FRMD8: variants seen among roughly 807,000 people sequenced by gnomAD.
The protein encoded by FRMD8 is FERM domain containing 8, also known as FERM domain-containing protein 8.
In FRMD8, 37 loss-of-function variants were observed where a neutral mutation model predicts 54.2. The observed-to-expected ratio is 0.68, with a 90% CI of 0.53 to 0.90. The LOEUF (loss-of-function observed/expected upper bound fraction) is 0.90. Ranked by LOEUF, FRMD8 falls within the 40% of genes least tolerant of loss-of-function variation. The pLI is 0.00. For missense variants in FRMD8, 585 were observed against 653.7 expected (o/e 0.89, Z 1.15); for synonymous variants, 246 against 286.9 (o/e 0.86, Z 1.44).
chr11:65,380,421 C>T, the FRMD8 span: 5 of 980,236 alleles, frequency 5.1e-6, no homozygotes, highest in Non-Finnish European at 7.4e-6. Flanking sequence ...TGAGGATGCA[C>T]ACCCAAGAGG....
rs986059529 is a variant in FRMD8, at chr11:65,411,731, T to TA, written c.*372dup. 19 of 172,342 alleles carry TA rather than the reference T, an allele frequency of 1.1e-4. No individual in the cohort carries two copies. The highest frequency in any genetic ancestry group is 2.0e-4 in the Non-Finnish European group (16 of 81,332). 10.7% of individuals were successfully genotyped at this position (172,342 alleles called of 1,614,324 possible). A position where few individuals can be genotyped will look rare whatever the true frequency, so the allele number is the denominator to read the frequency against. On this transcript the variant is annotated 3_prime_UTR_variant, in exon 11 of 11. Transcript: ENST00000317568. ...AAGTGCCCAGTGGCAGCTCCAGTGG[T>TA]AGAGGACCAAGGATTGAGGTTTGGG...
At chr11:65,380,161 C>T in the FRMD8 span, 8 of 1,614,188 alleles carry the variant, frequency 5.0e-6, no homozygotes, top group South Asian at 8.8e-5. Context: ...TGTCCCAGGA[C>T]CAAGCCCAGA....
At position 65,404,396 on chromosome 11, in the gene FRMD8, G is replaced by T. The variant is rs1856144845; in HGVS notation, c.1072-468G>T. ...GTGTGCCTCATGCTTCACACCTGTT[G>T]AGTAGGAGTCACTTTTGAAGAACGT... On this transcript the variant is annotated intron_variant, in intron 9 of 10. Transcript: ENST00000317568. The surrounding 1 kb of genome is among the most constrained non-coding windows in gnomAD (Gnocchi z 4.7). Among the ~76,000 whole-genome samples, 1 of 152,088 alleles carries T rather than the reference G, an allele frequency of 6.6e-6. No individual in the cohort carries two copies. Among genetic ancestry groups the T allele is most frequent in the South Asian group, 2.1e-4 (1 of 4,826 alleles).
rs936963040 is a variant in FRMD8, at chr11:65,400,481, C to G, written c.928-243C>G. Among the ~76,000 whole-genome samples, 1 of 152,218 alleles carries G rather than the reference C, an allele frequency of 6.6e-6. No homozygotes were observed. The highest frequency in any genetic ancestry group is 2.4e-5 in the African/African-American group (1 of 41,452). ...CTGCCTCCTCCCCCACGTGCCTCCC[C>G]CGCTGTCAGGGGCTTGGCCTGCTGG... is the stretch of plus-strand genomic sequence containing the variant. On this transcript the variant is annotated intron_variant, in intron 8 of 10. Coordinates refer to ENST00000317568, the MANE Select transcript of FRMD8 (RefSeq NM_031904.5). The surrounding 1 kb of genome is among the most constrained non-coding windows in gnomAD (Gnocchi z 4.3).
intron 7 of FRMD8, 128 bp downstream of exon 7, chr11:65,397,148 C>T (rs987196928): frequency 9.4e-6 from 5 of 533,446 alleles, no homozygotes; most frequent in Admixed American, 8.2e-5. Context: ...TGTCTTGTCA[C>T]GAGCACCTCA....
rs1353478823 is a variant in FRMD8, at chr11:65,386,652, G to C, written c.-110G>C. The C allele has an allele frequency of 8.6e-6, 2 of 231,508 alleles. No individual in the cohort carries two copies. Among genetic ancestry groups the C allele is most frequent in the Non-Finnish European group, 1.7e-5 (2 of 118,978 alleles). 14.3% of individuals were successfully genotyped at this position (231,508 alleles called of 1,614,324 possible). A position where few individuals can be genotyped will look rare whatever the true frequency, so the allele number is the denominator to read the frequency against. Reference sequence around the variant, plus strand: ...TGGCTTCCGCGTCGCTTCCCGGTCAGCTGCGTCCTTAGCGGGAGCCCGAGT... The same window carrying C: ...TGGCTTCCGCGTCGCTTCCCGGTCACCTGCGTCCTTAGCGGGAGCCCGAGT... On this transcript the variant is annotated 5_prime_UTR_variant, in exon 1 of 11. Transcript: ENST00000317568.
At chr11:65,380,006 CT>C in the FRMD8 span, 2 of 1,600,190 alleles carry the variant, frequency 1.2e-6, no homozygotes, top group African/African-American at 2.7e-5. Context: ...CCTCTGCCCC[CT>C]CAAGCGGGAT....
chr11:65,372,166 C>T, the FRMD8 span, among the ~76,000 whole-genome samples: 5 of 152,184 alleles, frequency 3.3e-5, no homozygotes, highest in East Asian at 7.7e-4. Flanking sequence ...CCCACCTTGG[C>T]ATCCCAAAGT....
intron 4 of FRMD8, 72 bp from the exon 5 acceptor site, chr11:65,393,969 C>T (rs949891086): frequency 6.5e-7 from 1 of 1,538,620 alleles, no homozygotes; most frequent in East Asian, 2.3e-5. Context: ...TGGCCAGGGC[C>T]TGGGCCAATC....
At chr11:65,386,813 G>C (rs1855741277) in intron 1 of FRMD8, 52 bp downstream of exon 1, 1 of 553,476 alleles carries the variant, frequency 1.8e-6, no homozygotes, top group East Asian at 3.1e-5. Flanking sequence ...CTGGGCGTGC[G>C]CCTTGCCCTG....
chr11:65,405,176 G>A lies in FRMD8; in HGVS notation c.1276+108G>A, dbSNP rs187699698. The A allele has an allele frequency of 5.0e-4, 551 of 1,097,030 alleles. 4 individuals are homozygous for A. In the East Asian group the frequency reaches 1.0e-2, roughly 20 times the overall value. 68.0% of individuals were successfully genotyped at this position (1,097,030 alleles called of 1,614,324 possible). On this transcript the variant is annotated intron_variant, in intron 10 of 10. Transcript: ENST00000317568. ...TGCAGAGCAGCTCCAGACCCAGTGT[G>A]AGCTGGCCTCCATCTCAGGACACAG...
chr11:65,374,479 A>G, the FRMD8 span, among the ~76,000 whole-genome samples: 1 of 152,200 alleles, frequency 6.6e-6, no homozygotes. Flanking sequence ...CTCTCTATCA[A>G]CTGTGATCAT....
rs1565608091 is a variant in FRMD8 at position 65,400,850 on chromosome 11, A to C, written c.1054A>C (p.Lys352Gln). The C allele has an allele frequency of 6.2e-7, 1 of 1,610,670 alleles. No individual in the cohort carries two copies. The highest frequency in any genetic ancestry group is 8.5e-7 in the Non-Finnish European group (1 of 1,178,474). Residue 352 changes from lysine to glutamine, a missense_variant, in exon 9 of 11, where the codon AAG becomes CAG. Coordinates refer to ENST00000317568, the MANE Select transcript of FRMD8 (RefSeq NM_031904.5). This position sits in a 1 kb window ranked among gnomAD's most constrained non-coding sequence, Gnocchi z 4.3. ...GGGCACACCTGTCAACAAGCTCCTC[A>C]AGATCTACTCCAAGCAGGTAGCGCG... ...SEGTPVNKLL[K>Q]IYSKQAELMS...
In FRMD8 at chr11:65,396,779, C is replaced by G. The variant is rs941486710; in HGVS notation, c.582-20C>G. On this transcript the variant is annotated intron_variant, in intron 6 of 10. Coordinates refer to ENST00000317568, the MANE Select transcript of FRMD8 (RefSeq NM_031904.5). ...GCACCTCTGGTTGGGCCGCTAGCAC[C>G]TGTCTTCCTTCCTCCACAGGGAGAA... 42 of 1,474,962 alleles carry G rather than the reference C, an allele frequency of 2.8e-5. No individual in the cohort carries two copies. The highest frequency in any genetic ancestry group is 3.4e-5 in the Non-Finnish European group (38 of 1,108,384). 91.4% of individuals were successfully genotyped at this position (1,474,962 alleles called of 1,614,324 possible). A position where few individuals can be genotyped will look rare whatever the true frequency, so the allele number is the denominator to read the frequency against.
chr11:65,376,989 G>T, the FRMD8 span: 15 of 1,613,584 alleles, frequency 9.3e-6, no homozygotes, highest in Non-Finnish European at 1.3e-5. Context: ...CCCTGGTACC[G>T]GGGTGGGGGG....
intron 9 of FRMD8, among the ~76,000 whole-genome samples, chr11:65,401,287 C>T (rs1456159907): frequency 1.3e-5 from 2 of 150,338 alleles, no homozygotes; most frequent in Non-Finnish European, 3.0e-5. Flanking sequence ...TACTCAGCAC[C>T]GAGCACCTCT....
rs1856338909 is a variant in FRMD8, at chr11:65,411,743, G to T, written c.*383G>T. 6.0e-6 allele frequency: 1 copy of T among 166,614 alleles called. No individual in the cohort carries two copies. Among genetic ancestry groups the T allele is most frequent in the Non-Finnish European group, 1.3e-5 (1 of 77,784 alleles). The allele number at this position is 166,614 out of a possible 1,614,324, so 10.3% of individuals were successfully genotyped here. A position where few individuals can be genotyped will look rare whatever the true frequency, so the allele number is the denominator to read the frequency against. ...GCAGCTCCAGTGGTAGAGGACCAAG[G>T]ATTGAGGTTTGGGACCTGAAGCTCC... On this transcript the variant is annotated 3_prime_UTR_variant, in exon 11 of 11. Coordinates refer to ENST00000317568, the MANE Select transcript of FRMD8 (RefSeq NM_031904.5).
chr11:65,379,742 C>G, the FRMD8 span: 1 of 1,366,364 alleles, frequency 7.3e-7, no homozygotes, highest in Admixed American at 2.0e-5. Flanking sequence ...CCCAGGCCCC[C>G]CAAGGATCCC....
chr11:65,371,386 A>G, the FRMD8 span, among the ~76,000 whole-genome samples: 2 of 152,190 alleles, frequency 1.3e-5, no homozygotes, highest in African/African-American at 2.4e-5. Flanking sequence ...CAGGAGTCCA[A>G]TGGGACTTTA....
Sources: allele counts gnomAD v4.1 joint callset (sites outside exome capture counted in the v4.1 genomes callset), GRCh38; gene constraint gnomAD v4.1.1; non-coding constraint Gnocchi (gnomAD v3.1); transcripts MANE v1.5; gene names NCBI Gene and HGNC (gene_info 2026-07-23, HGNC 2026-07-21).